The following LINGO2 variants were observed in gnomAD, a reference collection of about 807,000 sequenced individuals.
LINGO2 encodes the protein leucine-rich repeat and immunoglobulin-like domain-containing nogo receptor-interacting protein 2.
In LINGO2, 14 loss-of-function variants were observed where a neutral mutation model predicts 30.6. That is an observed-to-expected ratio of 0.46 (90% CI 0.30 to 0.72). The LOEUF is 0.72. LINGO2 is among the 30% of genes least tolerant of loss of function. The pLI, the probability that LINGO2 is intolerant of heterozygous loss-of-function variation, is 0.07. For missense variants in LINGO2, 729 were observed against 751.7 expected (o/e 0.97, Z 0.35); for synonymous variants, 317 against 288.5 (o/e 1.10, Z -1.00).
chr9:28,949,388 G>A, the LINGO2 span, among the ~76,000 whole-genome samples: 1 of 151,856 alleles, frequency 6.6e-6, no homozygotes, highest in Non-Finnish European at 1.5e-5. Flanking sequence ...AGAAAAGAGA[G>A]CAGAATCAAA....
At chr9:28,229,026 T>C (rs1390784340) in intron 4 of LINGO2, among the ~76,000 whole-genome samples, 1 of 151,796 alleles carries the variant, frequency 6.6e-6, no homozygotes, top group East Asian at 1.9e-4. Flanking sequence ...TTAATCAGAA[T>C]AGAGATCATT....
chr9:28,295,794 A>G (rs1367249341), intron 3 of LINGO2, among the ~76,000 whole-genome samples: 1 of 152,154 alleles, frequency 6.6e-6, no homozygotes, highest in Non-Finnish European at 1.5e-5. Flanking sequence ...GAAATCCACA[A>G]GATTGTGGAT....
At chr9:29,066,327 A>T in the LINGO2 span, among the ~76,000 whole-genome samples, 1,168 of 152,024 alleles carry the variant, frequency 7.7e-3, 12 homozygotes, top group Non-Finnish European at 9.4e-3. Flanking sequence ...CCTGTACTAA[A>T]CATGCTGTCA....
At chr9:28,526,522 A>G (rs1821046222) in intron 1 of LINGO2, among the ~76,000 whole-genome samples, 1 of 152,252 alleles carries the variant, frequency 6.6e-6, no homozygotes, top group South Asian at 2.1e-4. Flanking sequence ...TGATAGCAAG[A>G]TAAGTGAAAA....
intron 2 of LINGO2, among the ~76,000 whole-genome samples, chr9:28,412,291 A>G (rs769618014): frequency 1.3e-5 from 2 of 150,442 alleles, no homozygotes; most frequent in Non-Finnish European, 3.0e-5. Flanking sequence ...CTAATGATTT[A>G]TGATTTTGAG....
chr9:29,154,130 CT>C, the LINGO2 span, among the ~76,000 whole-genome samples: 1 of 152,036 alleles, frequency 6.6e-6, no homozygotes. Context: ...TAAAAATCAC[CT>C]TTAAGAAACT....
intron 5 of LINGO2, among the ~76,000 whole-genome samples, chr9:27,984,105 A>C (rs1821014052): frequency 6.6e-6 from 1 of 152,020 alleles, no homozygotes; most frequent in African/African-American, 2.4e-5. Flanking sequence ...ACAGAAAAAC[A>C]AGATTTTAAG....
intron 3 of LINGO2, among the ~76,000 whole-genome samples, chr9:28,320,619 A>T (rs1003892977): frequency 1.3e-5 from 2 of 152,192 alleles, no homozygotes; most frequent in East Asian, 3.8e-4. Flanking sequence ...AACTTTAGGC[A>T]CAGGACGCAG....
the LINGO2 span, chr9:28,889,023 T>A: frequency 4.4e-6 from 2 of 458,264 alleles, no homozygotes; most frequent in African/African-American, 4.0e-5. Context: ...TTCAAGTGAA[T>A]ACAGTAATCT....
At chr9:28,133,405 G>C (rs1014088694) in intron 4 of LINGO2, among the ~76,000 whole-genome samples, 3 of 152,030 alleles carry the variant, frequency 2.0e-5, no homozygotes, top group African/African-American at 7.2e-5. Context: ...GATCCTATTA[G>C]ACATTCATGT....
At chr9:28,051,390 C>T (rs538153372) in intron 4 of LINGO2, among the ~76,000 whole-genome samples, 1 of 152,196 alleles carries the variant, frequency 6.6e-6, no homozygotes, top group African/African-American at 2.4e-5. Context: ...ATAGACTTCT[C>T]ATTTGTCCAC....
At chr9:28,118,967 T>G (rs1296435706) in intron 4 of LINGO2, among the ~76,000 whole-genome samples, 1 of 152,200 alleles carries the variant, frequency 6.6e-6, no homozygotes, top group African/African-American at 2.4e-5. Context: ...GGAAATTAAT[T>G]GTATAATTTA....
chr9:28,323,675 C>T (rs953924), intron 3 of LINGO2, among the ~76,000 whole-genome samples: 15,381 of 152,068 alleles, frequency 0.1, 1,101 homozygotes, highest in African/African-American at 0.2. Flanking sequence ...AACTCCAGAG[C>T]GTAGCATCAA....
At chr9:27,977,586 GT>G (rs979095329) in intron 5 of LINGO2, among the ~76,000 whole-genome samples, 4 of 151,924 alleles carry the variant, frequency 2.6e-5, no homozygotes, top group African/African-American at 9.7e-5. Flanking sequence ...CAGAAGACAA[GT>G]TTTATTAGAA....
chr9:29,164,410 C>G, the LINGO2 span, among the ~76,000 whole-genome samples: 1 of 152,114 alleles, frequency 6.6e-6, no homozygotes. Context: ...AATGAGGACA[C>G]AGCAATATAA....
intron 4 of LINGO2, among the ~76,000 whole-genome samples, chr9:28,170,463 T>C (rs1057246839): frequency 3.3e-5 from 5 of 152,170 alleles, no homozygotes; most frequent in Admixed American, 2.6e-4. Flanking sequence ...GAAGCTACTT[T>C]TGATTTCTCT....
chr9:29,209,580 G>C, the LINGO2 span, among the ~76,000 whole-genome samples: 22 of 152,110 alleles, frequency 1.4e-4, no homozygotes, highest in Non-Finnish European at 3.1e-4. Flanking sequence ...TATGCCATTA[G>C]ATGGGTAAGC....
At chr9:28,929,354 G>A in the LINGO2 span, among the ~76,000 whole-genome samples, 1 of 152,182 alleles carries the variant, frequency 6.6e-6, no homozygotes, top group Non-Finnish European at 1.5e-5. Context: ...GGATAAAAGA[G>A]TATTAGAAAA....
At chr9:28,323,736 A>G (rs557547500) in intron 3 of LINGO2, among the ~76,000 whole-genome samples, 2 of 152,338 alleles carry the variant, frequency 1.3e-5, no homozygotes, top group South Asian at 4.1e-4. Context: ...ACCTGACAGT[A>G]ACCAATCACA....
Sources: allele counts gnomAD v4.1 joint callset (sites outside exome capture counted in the v4.1 genomes callset), GRCh38; gene constraint gnomAD v4.1.1; transcripts MANE v1.5; gene names NCBI Gene and HGNC (gene_info 2026-07-23, HGNC 2026-07-21).